The following HERC1 variants were observed in gnomAD, a reference collection of about 807,000 sequenced individuals.
The protein encoded by HERC1 is HECT and RLD domain containing E3 ubiquitin protein ligase family member 1.
In HERC1, 160 loss-of-function variants were observed where a neutral mutation model predicts 554.3. The observed-to-expected ratio is 0.29, with a 90% confidence interval of 0.25 to 0.33. The LOEUF (loss-of-function observed/expected upper bound fraction) is 0.33, where lower values mean the gene tolerates loss of function less well. Among genes scored for constraint, HERC1 ranks in the 10% least tolerant of loss-of-function variants. The pLI, the probability that HERC1 is intolerant of heterozygous loss-of-function variation, is 1.00. For missense variants in HERC1, 4,919 were observed against 5,918.5 expected, an observed-to-expected ratio of 0.83 and a Z score of 5.54; for synonymous variants, 2,175 against 2,131.7, an observed-to-expected ratio of 1.02 and a Z score of -0.56.
At chr15:63,813,692 T>C (rs181117978) in intron 1 of HERC1, among the ~76,000 whole-genome samples, 3 of 152,308 alleles carry the variant, frequency 2.0e-5, no homozygotes, top group Admixed American at 2.0e-4. Context: ...GACATTACCA[T>C]TGTATGCCTG....
At position 63,727,302 on chromosome 15, in the gene HERC1, T is replaced by C. The variant is rs2074082052; in HGVS notation, c.3346+345A>G. 6.6e-6 allele frequency among the ~76,000 whole-genome samples: 1 copy of C among 151,898 alleles called. No homozygotes were observed. The highest frequency in any genetic ancestry group is 1.5e-5 in the Non-Finnish European group (1 of 67,930). On this transcript the variant is annotated intron_variant, in intron 17 of 77. Coordinates refer to ENST00000443617, the MANE Select transcript of HERC1 (RefSeq NM_003922.4). The surrounding 1 kb of genome is among the most constrained non-coding windows in gnomAD (Gnocchi z 4.3). Reference sequence around the variant, plus strand: ...AAAAAAGAAAAAAGGAAAGAATAAATTTGGAACAACTCCATATAAAGCCTA... The same window carrying C: ...AAAAAAGAAAAAAGGAAAGAATAAACTTGGAACAACTCCATATAAAGCCTA...
At chr15:63,655,643 T>C in intron 50 of HERC1, 99 bp downstream of exon 50, 1 of 840,122 alleles carries the variant, frequency 1.2e-6, no homozygotes, top group Non-Finnish European at 1.8e-6. Flanking sequence ...CTTAAGAAAC[T>C]CACGTCATAT....
chr15:63,712,877 T>C lies in HERC1; in HGVS notation c.4482A>G (p.Ala1494=), dbSNP rs1488573334. The change falls in exon 24 of 78, where the codon GCA becomes GCG. Residue 1494 remains alanine (A), a synonymous_variant. Transcript: ENST00000443617. The part of the protein sequence containing the change: ...GLMTRSESLT[A]ESRLVHTSPN... ...GGCTTGTGTGGACTAGCCGGCTCTC[T>C]GCAGTAAGACTTTCACTCCTGTCTC... 1 of 1,613,480 alleles carries C rather than the reference T, an allele frequency of 6.2e-7. No homozygotes were observed. Among genetic ancestry groups the C allele is most frequent in the Admixed American group, 1.7e-5 (1 of 59,970 alleles).
intron 77 of HERC1, among the ~76,000 whole-genome samples, chr15:63,610,665 G>A (rs1214328404): frequency 1.3e-5 from 2 of 152,236 alleles, no homozygotes; most frequent in Non-Finnish European, 1.5e-5. Flanking sequence ...GCCTAGCCCA[G>A]GAGCAGAGCA....
chr15:63,825,816 T>C (rs1338622562), intron 1 of HERC1, among the ~76,000 whole-genome samples: 1 of 151,964 alleles, frequency 6.6e-6, no homozygotes, highest in Non-Finnish European at 1.5e-5. Context: ...CCAGGCTGAG[T>C]ATAGCGGTGG....
intron 33 of HERC1, 67 bp from the exon 34 acceptor site, chr15:63,686,602 G>A: frequency 7.3e-7 from 1 of 1,360,914 alleles, no homozygotes; most frequent in Non-Finnish European, 1.0e-6. Flanking sequence ...ATATTCTGAG[G>A]CTCCTTGGTT....
At chr15:63,831,645 T>C (rs550586937) in intron 1 of HERC1, among the ~76,000 whole-genome samples, 5 of 151,840 alleles carry the variant, frequency 3.3e-5, no homozygotes, top group Admixed American at 2.6e-4. Flanking sequence ...CCCAGCCCCC[T>C]TTTTTTTCTA....
chr15:63,756,584 A>G lies in HERC1; in HGVS notation c.1386T>C (p.Ser462=). 6.2e-7 allele frequency: 1 copy of G among 1,613,978 alleles called. No individual in the cohort carries two copies. Among genetic ancestry groups the G allele is most frequent in the Non-Finnish European group, 8.5e-7 (1 of 1,179,850 alleles). ...AAGTGTGACCATCAGATCCTTTAGAAGATGAAACCTTTTTAATGGATCTGT... is the reference window on the plus strand; with the variant it reads ...AAGTGTGACCATCAGATCCTTTAGAGGATGAAACCTTTTTAATGGATCTGT... The part of the protein sequence containing the change: ...EPHRSIKKVS[S]SKGSDGHTLA... Residue 462 remains serine, a synonymous_variant, in exon 5 of 78, where the codon TCT becomes TCC. Transcript: ENST00000443617. This position sits in a 1 kb window ranked among gnomAD's most constrained non-coding sequence, Gnocchi z 5.0.
At chr15:63,829,177 G>A (rs868050719) in intron 1 of HERC1, among the ~76,000 whole-genome samples, 6 of 152,120 alleles carry the variant, frequency 3.9e-5, no homozygotes, top group Middle Eastern at 3.4e-3. Flanking sequence ...CCAACACTCT[G>A]AGAGGCCAAG....
At chr15:63,709,732 C>CTGTGTAGGAG (rs1309848767) in intron 24 of HERC1, among the ~76,000 whole-genome samples, 2 of 152,184 alleles carry the variant, frequency 1.3e-5, no homozygotes, top group Non-Finnish European at 2.9e-5. Context: ...ATGTAAAGCA[C>CTGTGTAGGAG]TGTGTAGGAG....
chr15:63,642,774 A>G (rs532865328), intron 59 of HERC1, among the ~76,000 whole-genome samples, 183 bp downstream of exon 59: 1 of 152,288 alleles, frequency 6.6e-6, no homozygotes, highest in South Asian at 2.1e-4. Context: ...AAAACACTAG[A>G]CTATAAATCA....
In HERC1 at chr15:63,666,026, T is replaced by C. The variant is rs779735189; in HGVS notation, c.8448A>G (p.Ala2816=). The change falls in exon 42 of 78, where the codon GCA becomes GCG. Residue 2816 remains alanine (A), a synonymous_variant. Coordinates refer to ENST00000443617, the MANE Select transcript of HERC1 (RefSeq NM_003922.4). ...SGSTADSRPG[A]AVLGSGGKSN... The stretch of plus-strand genomic sequence containing the variant: ...ACTTCCCGCCACTGCCTAGAACGGC[T>C]GCTCCAGGCCTAGAGTCTGCTGTGC... 1.2e-6 allele frequency: 2 copies of C among 1,614,034 alleles called. No homozygotes were observed. Among genetic ancestry groups the C allele is most frequent in the Non-Finnish European group, 1.7e-6 (2 of 1,179,876 alleles).
chr15:63,746,884 T>G, intron 12 of HERC1, 34 bp downstream of exon 12: 2 of 1,531,440 alleles, frequency 1.3e-6, no homozygotes, highest in Non-Finnish European at 1.8e-6. Flanking sequence ...AAGACGTGGT[T>G]TGAGATACAG....
Position 63,686,380 on chromosome 15 carries a change from A to G in HERC1, c.6204T>C (p.Thr2068=). Reference sequence around the variant, plus strand: ...GTACCTTCCACTGATAGCACCCAGAAGTTACTCCTGTAGATGCCAATCCAT... The same window carrying G: ...GTACCTTCCACTGATAGCACCCAGAGGTTACTCCTGTAGATGCCAATCCAT... ...KGYGLASTGV[T]SGCYQWKFYI... The change falls in exon 34 of 78, where the codon ACT becomes ACC. Residue 2068 remains threonine, a synonymous_variant. Coordinates refer to ENST00000443617, the MANE Select transcript of HERC1 (RefSeq NM_003922.4). 1 of 1,610,350 alleles carries G rather than the reference A, an allele frequency of 6.2e-7. No homozygotes were observed. The highest frequency in any genetic ancestry group is 8.5e-7 in the Non-Finnish European group (1 of 1,178,900).
chr15:63,631,917 C>G (rs2068577283), intron 68 of HERC1, among the ~76,000 whole-genome samples: 1 of 152,042 alleles, frequency 6.6e-6, no homozygotes, highest in East Asian at 1.9e-4. Context: ...TTTTCTCATT[C>G]TATACTCTCT....
Position 63,775,575 on chromosome 15 carries a change from T to C in HERC1, c.49A>G (p.Asn17Asp). The C allele has an allele frequency of 1.2e-6, 2 of 1,611,128 alleles. No individual in the cohort carries two copies. Among genetic ancestry groups the C allele is most frequent in the South Asian group, 2.2e-5 (2 of 90,444 alleles). ...CTGTCCTCTGTAATCCAGGAGCTGT[T>C]CAAGTGTTCAAGCCATTTCAGCTTC... ...PVKLKWLEHLNSSWITEDSES... is the reference protein window; with the variant it reads ...PVKLKWLEHLDSSWITEDSES... Residue 17 changes from asparagine to aspartate, a missense_variant, in exon 2 of 78, where the codon AAC becomes GAC. Physicochemically the swap from Asn to Asp is conservative, Grantham distance 23. Transcript: ENST00000443617. The surrounding 1 kb of genome is among the most constrained non-coding windows in gnomAD (Gnocchi z 4.0).
rs538974505 is a variant in HERC1, at chr15:63,794,840, C to T, written c.-26-19191G>A. Among the ~76,000 whole-genome samples, 15 of 151,952 alleles carry T rather than the reference C, an allele frequency of 9.9e-5. No individual in the cohort carries two copies. The South Asian group carries it at 1.0e-3, about 11-fold the overall frequency. On this transcript the variant is annotated intron_variant, in intron 1 of 77. Coordinates refer to ENST00000443617, the MANE Select transcript of HERC1 (RefSeq NM_003922.4). ...CAGCACTTTGGGAGGCCGAGGTGGGCGGATCACCTGAGGTCAGGAGTTCAA... is the reference window on the plus strand; with the variant it reads ...CAGCACTTTGGGAGGCCGAGGTGGGTGGATCACCTGAGGTCAGGAGTTCAA...
intron 1 of HERC1, among the ~76,000 whole-genome samples, chr15:63,827,264 A>T (rs1301425578): frequency 6.6e-6 from 1 of 152,132 alleles, no homozygotes; most frequent in Non-Finnish European, 1.5e-5. Flanking sequence ...ATCTCAAAAA[A>T]TCAACAAATT....
intron 24 of HERC1, among the ~76,000 whole-genome samples, chr15:63,712,250 A>C (rs533044337): frequency 6.6e-6 from 1 of 152,220 alleles, no homozygotes; most frequent in African/African-American, 2.4e-5. Context: ...ACGTCCACTC[A>C]AAAGAGAAAG....
Sources: allele counts gnomAD v4.1 joint callset (sites outside exome capture counted in the v4.1 genomes callset), GRCh38; gene constraint gnomAD v4.1.1; non-coding constraint Gnocchi (gnomAD v3.1); transcripts MANE v1.5; gene names NCBI Gene and HGNC (gene_info 2026-07-23, HGNC 2026-07-21).